Variants in PLCZ1 observed in about 807,000 individuals in gnomAD.
The protein encoded by PLCZ1 is 1-phosphatidylinositol 4,5-bisphosphate phosphodiesterase zeta-1.
In PLCZ1, 64 loss-of-function variants were observed where a neutral mutation model predicts 76.8. That is an observed-to-expected ratio of 0.83 (90% CI 0.68 to 1.03). The LOEUF is 1.03. PLCZ1 is among the 50% of genes least tolerant of loss of function. The pLI, the probability that PLCZ1 is intolerant of heterozygous loss-of-function variation, is 0.00. For missense variants in PLCZ1, 751 were observed against 713.7 expected (o/e 1.05, Z -0.60); for synonymous variants, 248 against 230.8 (o/e 1.07, Z -0.68).
chr12:18,737,442 C>T lies in PLCZ1; in HGVS notation c.-71G>A, dbSNP rs781073602. On this transcript the variant is annotated 5_prime_UTR_variant, in exon 2 of 15. Coordinates refer to ENST00000266505, the MANE Select transcript of PLCZ1 (RefSeq NM_033123.4). ...CCCCAGTAGGTGCTGTCATGGGTTC[C>T]AAATACAATTAACTCTGCCCCTTTG... 1.3e-6 allele frequency: 2 copies of T among 1,599,378 alleles called. No homozygotes were observed. Among genetic ancestry groups the T allele is most frequent in the Non-Finnish European group, 1.7e-6 (2 of 1,166,826 alleles).
intron 4 of PLCZ1, among the ~76,000 whole-genome samples, chr12:18,720,261 A>G (rs965892829): frequency 6.6e-6 from 1 of 151,822 alleles, no homozygotes; most frequent in African/African-American, 2.4e-5. Context: ...TATTCATTCT[A>G]TCACTGATAG....
chr12:18,693,058 G>A (rs2137141491), intron 12 of PLCZ1: 1 of 1,482,942 alleles, frequency 6.7e-7, no homozygotes. Flanking sequence ...AAGCAAGAAG[G>A]GAAAAGATCA....
chr12:18,664,731 A>G, the PLCZ1 span, among the ~76,000 whole-genome samples: 1 of 151,632 alleles, frequency 6.6e-6, no homozygotes, highest in Non-Finnish European at 1.5e-5. Context: ...GGCACTATTC[A>G]CAATAGCAAA....
chr12:18,647,416 T>A, the PLCZ1 span, among the ~76,000 whole-genome samples: 1 of 150,454 alleles, frequency 6.6e-6, no homozygotes, highest in Non-Finnish European at 1.5e-5. Context: ...ATACCTCTGG[T>A]ACAAACCTGC....
chr12:18,727,913 C>A (rs1958843710), intron 3 of PLCZ1, among the ~76,000 whole-genome samples: 1 of 151,992 alleles, frequency 6.6e-6, no homozygotes, highest in South Asian at 2.1e-4. Context: ...GTAAGTAGTT[C>A]AAGAGCAATT....
chr12:18,678,472 G>A (rs76809952), downstream of PLCZ1, among the ~76,000 whole-genome samples: 2,204 of 151,956 alleles, frequency 0.015, 58 homozygotes, highest in African/African-American at 0.051. Flanking sequence ...TTCCATCCAT[G>A]CCAAAAATTT....
intron 12 of PLCZ1, chr12:18,693,777 T>C: frequency 4.6e-6 from 7 of 1,514,280 alleles, no homozygotes; most frequent in Non-Finnish European, 5.5e-6. Flanking sequence ...ACAAACCAAA[T>C]AGAAACTTTG....
chr12:18,719,408 A>G (rs1049998676), intron 5 of PLCZ1, 23 bp downstream of exon 5: 1 of 1,329,976 alleles, frequency 7.5e-7, no homozygotes, highest in Admixed American at 2.6e-5. Flanking sequence ...TAAATGTAAT[A>G]GATTTAAAAA....
chr12:18,670,454 G>A, the PLCZ1 span, among the ~76,000 whole-genome samples: 1 of 151,880 alleles, frequency 6.6e-6, no homozygotes, highest in African/African-American at 2.4e-5. Context: ...GAGAGTTGAA[G>A]GGCCTACCCA....
chr12:18,680,535 A>G (rs540220737), downstream of PLCZ1, among the ~76,000 whole-genome samples: 4 of 152,172 alleles, frequency 2.6e-5, no homozygotes, highest in East Asian at 7.7e-4. Context: ...GTCTGGGTAG[A>G]GAGACTGTAC....
chr12:18,674,551 C>A, the PLCZ1 span, among the ~76,000 whole-genome samples: 1 of 152,148 alleles, frequency 6.6e-6, no homozygotes, highest in Non-Finnish European at 1.5e-5. Flanking sequence ...CTCCAATCAA[C>A]ATTTAATCTA....
chr12:18,728,595 G>A (rs554972810), intron 3 of PLCZ1, among the ~76,000 whole-genome samples: 1 of 152,240 alleles, frequency 6.6e-6, no homozygotes, highest in East Asian at 1.9e-4. Context: ...CAGATTTGAA[G>A]AGAAAATTGG....
chr12:18,680,812 C>G (rs1335139267), downstream of PLCZ1, among the ~76,000 whole-genome samples: 1 of 151,924 alleles, frequency 6.6e-6, no homozygotes, highest in African/African-American at 2.4e-5. Flanking sequence ...ATTAAATGAT[C>G]TGGGGGAGAT....
At chr12:18,726,774 A>T (rs1433098700) in intron 3 of PLCZ1, among the ~76,000 whole-genome samples, 1 of 152,198 alleles carries the variant, frequency 6.6e-6, no homozygotes, top group Non-Finnish European at 1.5e-5. Context: ...AGTTGGTTGT[A>T]TCTAAAATTA....
intron 12 of PLCZ1, 88 bp from the exon 13 acceptor site, chr12:18,688,306 A>T: frequency 2.2e-6 from 3 of 1,383,734 alleles, no homozygotes; most frequent in Non-Finnish European, 3.0e-6. Flanking sequence ...TATTACAAAA[A>T]GTTGATGGAC....
At chr12:18,718,061 G>A (rs1195551052) in intron 5 of PLCZ1, among the ~76,000 whole-genome samples, 1 of 152,038 alleles carries the variant, frequency 6.6e-6, no homozygotes, top group South Asian at 2.1e-4. Flanking sequence ...GGGTGCTTTG[G>A]GAGTGAGGAT....
At chr12:18,678,408 C>T (rs1464916241), downstream of PLCZ1, among the ~76,000 whole-genome samples, 1 of 151,962 alleles carries the variant, frequency 6.6e-6, no homozygotes, top group Non-Finnish European at 1.5e-5. Context: ...CAATTTGATT[C>T]GTTTTGACAT....
At chr12:18,654,271 T>C in the PLCZ1 span, among the ~76,000 whole-genome samples, 5 of 142,022 alleles carry the variant, frequency 3.5e-5, no homozygotes. Flanking sequence ...GTTATTGCCA[T>C]TTCCAAAAGA....
intron 10 of PLCZ1, among the ~76,000 whole-genome samples, chr12:18,698,110 G>C (rs1955348947): frequency 6.6e-6 from 1 of 152,084 alleles, no homozygotes; most frequent in South Asian, 2.1e-4. Context: ...ACAGAGACCA[G>C]TAAAGCATGT....
Sources: allele counts gnomAD v4.1 joint callset (sites outside exome capture counted in the v4.1 genomes callset), GRCh38; gene constraint gnomAD v4.1.1; transcripts MANE v1.5; gene names NCBI Gene and HGNC (gene_info 2026-07-23, HGNC 2026-07-21).